PUF60: variants seen among roughly 807,000 people sequenced by gnomAD.
PUF60 encodes poly(U)-binding-splicing factor PUF60.
PUF60 carries 10 observed loss-of-function variants against 61.8 expected under a neutral mutation model. That is an observed-to-expected ratio of 0.16 (90% confidence interval 0.10 to 0.27). The LOEUF is 0.27. Among genes scored for constraint, PUF60 ranks in the 10% least tolerant of loss-of-function variants. PUF60 has a pLI of 1.00. For missense variants in PUF60, 371 were observed against 754.0 expected (o/e 0.49, Z 5.95); for synonymous variants, 353 against 300.9 (o/e 1.17, Z -1.79).
At chr8:143,819,568 G>A (rs1195133490) in intron 5 of PUF60, among the ~76,000 whole-genome samples, 1 of 152,188 alleles carries the variant, frequency 6.6e-6, no homozygotes, top group East Asian at 1.9e-4. Context: ...CCATCCCGTG[G>A]AGAGGGGCCT....
Position 143,818,746 on chromosome 8 carries a change from AGGAC to A in PUF60, c.349-216_349-213del, listed in dbSNP as rs1408504410. The A allele has an allele frequency of 1.0e-5, 6 of 601,302 alleles. No individual in the cohort carries two copies. Among genetic ancestry groups the A allele is most frequent in the Non-Finnish European group, 1.7e-5 (6 of 346,578 alleles). 37.2% of individuals were successfully genotyped at this position (601,302 alleles called of 1,614,324 possible). ...GGAAGGCCAGGCCCAGCGGCAGGAC[AGGAC>A]GCACCCCAGCCCGCCAAGGTCCCAG... On this transcript the variant is annotated intron_variant, in intron 5 of 11. Transcript: ENST00000526683. The surrounding 1 kb of genome is among the most constrained non-coding windows in gnomAD (Gnocchi z 7.9).
At chr8:143,819,060 G>A (rs557407501) in intron 5 of PUF60, 1 of 154,360 alleles carries the variant, frequency 6.5e-6, no homozygotes, top group African/African-American at 2.4e-5. Context: ...GCTCCCTGAA[G>A]AGAGAACGAG....
chr8:143,820,786 C>A, intron 4 of PUF60, 70 bp from the exon 5 acceptor site: 1 of 1,449,600 alleles, frequency 6.9e-7, no homozygotes, highest in Non-Finnish European at 9.7e-7. Flanking sequence ...CAACACCTCA[C>A]GCAGACAGCG....
chr8:143,826,763 G>A (rs1377293380), intron 1 of PUF60, among the ~76,000 whole-genome samples: 1 of 152,158 alleles, frequency 6.6e-6, no homozygotes, highest in Non-Finnish European at 1.5e-5. Flanking sequence ...AATGACTGAA[G>A]GTCCCAAGGT....
chr8:143,818,827 C>A lies in PUF60; in HGVS notation c.349-293G>T. ...ATGGTCAGGAGGCAGGGCTGTGCGCCCTCCCACCCAGACCACCCCTCCAGT... is the reference window on the plus strand; with the variant it reads ...ATGGTCAGGAGGCAGGGCTGTGCGCACTCCCACCCAGACCACCCCTCCAGT... On this transcript the variant is annotated intron_variant, in intron 5 of 11. Transcript: ENST00000526683. The surrounding 1 kb of genome is among the most constrained non-coding windows in gnomAD (Gnocchi z 7.9). 1 of 447,264 alleles carries A rather than the reference C, an allele frequency of 2.2e-6. No individual in the cohort carries two copies. 27.7% of individuals were successfully genotyped at this position (447,264 alleles called of 1,614,324 possible). A position where few individuals can be genotyped will look rare whatever the true frequency, so the allele number is the denominator to read the frequency against.
chr8:143,824,465 CCCGAG>C, intron 1 of PUF60, 66 bp from the exon 2 acceptor site: 1 of 1,534,098 alleles, frequency 6.5e-7, no homozygotes, highest in Non-Finnish European at 8.9e-7. Flanking sequence ...CTGCTCTCCT[CCCGAG>C]CTAAGGGCTG....
chr8:143,817,998 G>A lies in PUF60; in HGVS notation c.681C>T (p.Arg227=). ...CCTGGTGCACAGAGGCCACGTAGAT[G>A]CGGTTGAAGGCCCGTGCCTCCTCAG... is the stretch of plus-strand genomic sequence containing the variant. ...QLAEEARAFN[R]IYVASVHQDL... The change falls in exon 8 of 12, where the codon CGC becomes CGT. Residue 227 remains arginine (R), a synonymous_variant. Transcript: ENST00000526683. The surrounding 1 kb of genome is among the most constrained non-coding windows in gnomAD (Gnocchi z 7.4). 6.2e-7 allele frequency: 1 copy of A among 1,612,942 alleles called. No homozygotes were observed. Among genetic ancestry groups the A allele is most frequent in the Non-Finnish European group, 8.5e-7 (1 of 1,179,866 alleles).
intron 1 of PUF60, chr8:143,827,590 G>A (rs1817776589): frequency 2.6e-6 from 1 of 377,842 alleles, no homozygotes; most frequent in Non-Finnish European, 5.3e-6. Flanking sequence ...CAACCAGGAC[G>A]GTGGGAACAG....
chr8:143,824,928 C>A (rs1440209419), intron 1 of PUF60: 1 of 163,592 alleles, frequency 6.1e-6, no homozygotes, highest in Admixed American at 5.9e-5. Context: ...GCAGGCCTCC[C>A]TTCCCTGGCA....
chr8:143,823,182 C>A (rs1202422627), intron 2 of PUF60: 4 of 160,454 alleles, frequency 2.5e-5, no homozygotes, highest in Non-Finnish European at 5.4e-5. Flanking sequence ...ACCCTCAGCA[C>A]CAGGTGCCCC....
rs992577651 is a variant in PUF60 at position 143,817,164 on chromosome 8, G to A, written c.1145-19C>T. The A allele has an allele frequency of 6.4e-7, 1 of 1,572,968 alleles. No homozygotes were observed. Among genetic ancestry groups the A allele is most frequent in the Non-Finnish European group, 8.6e-7 (1 of 1,158,492 alleles). On this transcript the variant is annotated intron_variant, in intron 10 of 11. Coordinates refer to ENST00000526683, the MANE Select transcript of PUF60 (RefSeq NM_078480.3). This position sits in a 1 kb window ranked among gnomAD's most constrained non-coding sequence, Gnocchi z 7.4. The stretch of plus-strand genomic sequence containing the variant: ...GTCACACCTGCAGGAAAACCAACCA[G>A]GTCCATCAGTCACTCCCTACCACCC...
chr8:143,821,314 G>C, intron 4 of PUF60: 1 of 572,582 alleles, frequency 1.7e-6, no homozygotes, highest in Non-Finnish European at 3.1e-6. Context: ...AGAGACCAGA[G>C]GCCACAGTGT....
chr8:143,822,001 C>A, intron 2 of PUF60, 88 bp from the exon 3 acceptor site: 1 of 994,106 alleles, frequency 1.0e-6, no homozygotes, highest in Non-Finnish European at 1.5e-6. Flanking sequence ...CACAGACTGT[C>A]CCCTGCCTGG....
intron 1 of PUF60, among the ~76,000 whole-genome samples, chr8:143,825,761 C>T (rs1284267136): frequency 6.6e-6 from 1 of 152,198 alleles, no homozygotes; most frequent in East Asian, 1.9e-4. Context: ...ACCACTGTGC[C>T]CAGCCAAGGC....
Position 143,816,838 on chromosome 8 carries a change from G to C in PUF60, c.1381-19C>G, listed in dbSNP as rs753959621. 9 of 1,608,804 alleles carry C rather than the reference G, an allele frequency of 5.6e-6. No homozygotes were observed. The Admixed American group carries it at 1.0e-4, about 18-fold the overall frequency. Reference sequence around the variant, plus strand: ...CTGTAGACTGTGGGGCAGGGCCGAGGGGAAGACAGCTGAGCACTGCGGCCC... The same window carrying C: ...CTGTAGACTGTGGGGCAGGGCCGAGCGGAAGACAGCTGAGCACTGCGGCCC... On this transcript the variant is annotated intron_variant, in intron 11 of 11. Transcript: ENST00000526683.
At chr8:143,816,884 C>T (rs182356228) in intron 11 of PUF60, 26 bp downstream of exon 11, 28,124 of 1,565,774 alleles carry the variant, frequency 0.018, 356 homozygotes, top group Non-Finnish European at 0.019. Context: ...CCCTCTCCCC[C>T]GCCACCACCC....
intron 1 of PUF60, chr8:143,827,434 G>A (rs1586622282): frequency 2.2e-6 from 1 of 456,304 alleles, no homozygotes; most frequent in Non-Finnish European, 4.4e-6. Flanking sequence ...CCAGGCAGAA[G>A]GCATGCCCAT....
Position 143,817,270 on chromosome 8 carries a change from G to GCAGCGAGCCGAGAGATGC in PUF60, c.1144+43_1144+60dup. On this transcript the variant is annotated intron_variant, in intron 10 of 11. Transcript: ENST00000526683. The surrounding 1 kb of genome is among the most constrained non-coding windows in gnomAD (Gnocchi z 7.4). ...GACCACCAGGGCCAGGCAGCTGAGG[G>GCAGCGAGCCGAGAGATGC]CAGCGAGCCGAGAGATGCCAGGACA... 1 of 1,547,050 alleles carries GCAGCGAGCCGAGAGATGC rather than the reference G, an allele frequency of 6.5e-7. No individual in the cohort carries two copies. Among genetic ancestry groups the GCAGCGAGCCGAGAGATGC allele is most frequent in the Non-Finnish European group, 8.7e-7 (1 of 1,149,436 alleles).
chr8:143,828,670 C>T (rs1304042558), intron 1 of PUF60, among the ~76,000 whole-genome samples: 2 of 152,188 alleles, frequency 1.3e-5, no homozygotes, highest in Non-Finnish European at 2.9e-5. Flanking sequence ...CCAGATCCTC[C>T]CGCAGAGCTG....
Sources: allele counts gnomAD v4.1 joint callset (sites outside exome capture counted in the v4.1 genomes callset), GRCh38; gene constraint gnomAD v4.1.1; non-coding constraint Gnocchi (gnomAD v3.1); transcripts MANE v1.5; gene names NCBI Gene and HGNC (gene_info 2026-07-23, HGNC 2026-07-21).